Variants in DLG1 observed in about 807,000 individuals in gnomAD.
DLG1 encodes the protein discs large MAGUK scaffold protein 1, also known as disks large homolog 1.
A neutral mutation model predicts 123.4 loss-of-function variants in DLG1; 42 were observed. That is an observed-to-expected ratio of 0.34 (90% CI 0.27 to 0.44). The LOEUF is 0.44. Ranked by LOEUF, DLG1 falls within the 20% of genes least tolerant of loss-of-function variation. DLG1 has a pLI of 1.00. For missense variants in DLG1, 942 were observed against 1,082.6 expected (o/e 0.87, Z 1.82); for synonymous variants, 317 against 356.2 (o/e 0.89, Z 1.24).
chr3:197,073,816 T>G (rs1321001395), intron 18 of DLG1, among the ~76,000 whole-genome samples: 1 of 152,136 alleles, frequency 6.6e-6, no homozygotes, highest in Non-Finnish European at 1.5e-5. Context: ...TTTTTTTTCT[T>G]GATATTCAGT....
At chr3:197,138,435 T>A in intron 8 of DLG1, 44 bp from the exon 9 acceptor site, 1 of 1,075,820 alleles carries the variant, frequency 9.3e-7, no homozygotes. Flanking sequence ...TAAATATAAT[T>A]TAAATATAAA....
At chr3:197,244,681 G>C (rs895821271) in intron 4 of DLG1, among the ~76,000 whole-genome samples, 2 of 151,666 alleles carry the variant, frequency 1.3e-5, no homozygotes, top group Non-Finnish European at 2.9e-5. Context: ...TTTTTGACTG[G>C]GGTATGATGG....
At chr3:197,066,410 C>A (rs1007300258) in intron 20 of DLG1, among the ~76,000 whole-genome samples, 1 of 152,064 alleles carries the variant, frequency 6.6e-6, no homozygotes, top group Non-Finnish European at 1.5e-5. Flanking sequence ...CTCAAAGATA[C>A]TTCCAAGATT....
chr3:197,167,875 A>T (rs1802197695), intron 5 of DLG1, among the ~76,000 whole-genome samples: 1 of 152,230 alleles, frequency 6.6e-6, no homozygotes, highest in Admixed American at 6.5e-5. Context: ...TTTTAAGGAC[A>T]CTAAAGTTTA....
chr3:197,087,750 C>T (rs1423301680), intron 15 of DLG1, among the ~76,000 whole-genome samples: 1 of 152,040 alleles, frequency 6.6e-6, no homozygotes, highest in Admixed American at 6.6e-5. Flanking sequence ...CATAAGAATC[C>T]TGGAGATGGT....
chr3:197,281,431 C>G (rs1463942088), intron 4 of DLG1, among the ~76,000 whole-genome samples: 1 of 152,150 alleles, frequency 6.6e-6, no homozygotes. Context: ...CTCTCATTAT[C>G]TTCACATTGG....
chr3:197,095,488 T>C (rs1399297032), intron 14 of DLG1, among the ~76,000 whole-genome samples: 1 of 152,144 alleles, frequency 6.6e-6, no homozygotes, highest in African/African-American at 2.4e-5. Context: ...TCTCTCTCAA[T>C]TTGGGTTTGC....
chr3:197,087,465 G>A (rs1755094357), intron 15 of DLG1, among the ~76,000 whole-genome samples: 1 of 151,798 alleles, frequency 6.6e-6, no homozygotes, highest in East Asian at 1.9e-4. Context: ...AGGATCCCTT[G>A]AGCCCAGGAG....
chr3:197,150,801 G>A (rs1445968599), intron 5 of DLG1, among the ~76,000 whole-genome samples: 2 of 152,000 alleles, frequency 1.3e-5, no homozygotes, highest in East Asian at 3.9e-4. Context: ...TTTCAGCACA[G>A]TACCACAGCT....
At chr3:197,295,582 T>G (rs1308889477) in intron 3 of DLG1, among the ~76,000 whole-genome samples, 1 of 152,104 alleles carries the variant, frequency 6.6e-6, no homozygotes, top group African/African-American at 2.4e-5. Context: ...GCCAGACAAG[T>G]CACCTTGTTT....
At chr3:197,049,747 C>CA (rs895941914) in intron 24 of DLG1, among the ~76,000 whole-genome samples, 1 of 151,540 alleles carries the variant, frequency 6.6e-6, no homozygotes, top group African/African-American at 2.4e-5. Flanking sequence ...ACTCCATCTC[C>CA]AAAAACAAAA....
At chr3:197,240,096 G>A (rs925420246) in intron 4 of DLG1, among the ~76,000 whole-genome samples, 9 of 152,112 alleles carry the variant, frequency 5.9e-5, no homozygotes, top group South Asian at 2.1e-4. Context: ...ATATCCCTGC[G>A]GATAGGCAGA....
intron 23 of DLG1, among the ~76,000 whole-genome samples, chr3:197,054,467 T>A (rs1730258063): frequency 6.6e-6 from 1 of 152,204 alleles, no homozygotes; most frequent in South Asian, 2.1e-4. Flanking sequence ...TCCATTGTTG[T>A]ATCTTTAAGT....
chr3:197,093,467 A>G (rs902605541), intron 14 of DLG1, among the ~76,000 whole-genome samples: 1 of 152,126 alleles, frequency 6.6e-6, no homozygotes, highest in Non-Finnish European at 1.5e-5. Context: ...CTTCTTTCTT[A>G]AACAGTAGAA....
chr3:197,288,743 AATACATAC>A (rs57200229), intron 3 of DLG1, among the ~76,000 whole-genome samples: 19 of 72,096 alleles, frequency 2.6e-4, no homozygotes, highest in Admixed American at 6.9e-4. Flanking sequence ...AAAAAAAAAA[AATACATAC>A]ATACATACAT....
intron 4 of DLG1, among the ~76,000 whole-genome samples, chr3:197,261,053 CCA>C (rs1392883450): frequency 6.6e-6 from 1 of 152,076 alleles, no homozygotes; most frequent in African/African-American, 2.4e-5. Context: ...CACTGATCCC[CCA>C]CACACCAAAA....
rs1442202755 is a variant in DLG1, at chr3:197,288,949, T to TA, written c.152-6105dup. The stretch of plus-strand genomic sequence containing the variant: ...CTACCCAATAAGTGACTGTCACAAA[T>TA]AAAAAAATGAGAAGGAAGAAGATTC... On this transcript the variant is annotated intron_variant, in intron 3 of 24. Coordinates refer to ENST00000667157, the MANE Select transcript of DLG1 (RefSeq NM_001366207.1). Among the ~76,000 whole-genome samples, 3 of 151,998 alleles carry TA rather than the reference T, an allele frequency of 2.0e-5. No homozygotes were observed. In the East Asian group the frequency reaches 5.8e-4, roughly 29 times the overall value.
intron 4 of DLG1, among the ~76,000 whole-genome samples, chr3:197,195,016 A>C (rs9868725): frequency 1.3e-5 from 2 of 152,028 alleles, no homozygotes; most frequent in Non-Finnish European, 2.9e-5. Flanking sequence ...GCAGACAATC[A>C]CATTTTTTAT....
At chr3:197,168,965 C>CT (rs1348137623) in intron 5 of DLG1, among the ~76,000 whole-genome samples, 2 of 152,102 alleles carry the variant, frequency 1.3e-5, no homozygotes, top group African/African-American at 4.8e-5. Flanking sequence ...TTTAAAGTAC[C>CT]TTTTAAAAAC....
Sources: allele counts gnomAD v4.1 joint callset (sites outside exome capture counted in the v4.1 genomes callset), GRCh38; gene constraint gnomAD v4.1.1; transcripts MANE v1.5; gene names NCBI Gene and HGNC (gene_info 2026-07-23, HGNC 2026-07-21).